Variants in CANX observed in about 807,000 individuals in gnomAD.
CANX encodes the protein epididymis secretory sperm binding protein.
In CANX, 14 loss-of-function variants were observed where a neutral mutation model predicts 75.7. That is an observed-to-expected ratio of 0.19 (90% confidence interval 0.12 to 0.29). The LOEUF is 0.29. CANX is among the 10% of genes least tolerant of loss of function. The pLI, the probability that CANX is intolerant of heterozygous loss-of-function variation, is 1.00. For synonymous variants in CANX, 227 were observed against 236.9 expected (o/e 0.96, Z 0.38); for missense variants, 567 against 713.2 (o/e 0.79, Z 2.34).
intron 14 of CANX, among the ~76,000 whole-genome samples, chr5:179,727,301 A>G (rs1019041978): frequency 6.6e-6 from 1 of 152,224 alleles, no homozygotes; most frequent in African/African-American, 2.4e-5. Context: ...AGTAAACAAC[A>G]CAGCGTATTA....
At chr5:179,678,961 G>A (rs751513335) in intron 1 of CANX, 99 of 1,535,672 alleles carry the variant, frequency 6.4e-5, no homozygotes, top group Non-Finnish European at 8.1e-5. Flanking sequence ...CGTAGGCGAG[G>A]CCCAGCTCGG....
intron 11 of CANX, 90 bp from the exon 12 acceptor site, chr5:179,723,570 C>A: frequency 7.4e-7 from 1 of 1,347,342 alleles, no homozygotes; most frequent in Non-Finnish European, 1.0e-6. Context: ...CTGCGTAGTG[C>A]CATGCCATAA....
chr5:179,694,970 T>G (rs1462379591), upstream of CANX, among the ~76,000 whole-genome samples: 1 of 152,182 alleles, frequency 6.6e-6, no homozygotes, highest in African/African-American at 2.4e-5. Flanking sequence ...TGTTTACTCT[T>G]TTAAACATAC....
intron 8 of CANX, among the ~76,000 whole-genome samples, chr5:179,717,833 A>G (rs1002014059): frequency 6.6e-6 from 1 of 151,076 alleles, no homozygotes; most frequent in Non-Finnish European, 1.5e-5. Flanking sequence ...CTCCCGCCCT[A>G]GCCTCCCAAG....
At chr5:179,726,522 G>A (rs1050258024) in intron 13 of CANX, among the ~76,000 whole-genome samples, 158 bp from the exon 14 acceptor site, 2 of 151,144 alleles carry the variant, frequency 1.3e-5, no homozygotes, top group Admixed American at 6.6e-5. Context: ...TTTGCAGTGA[G>A]CCGAGATCGC....
At chr5:179,695,711 C>T (rs918438820), upstream of CANX, among the ~76,000 whole-genome samples, 1 of 151,310 alleles carries the variant, frequency 6.6e-6, no homozygotes, top group Non-Finnish European at 1.5e-5. Context: ...AGTGCTGTGG[C>T]GCAATCTCCG....
At chr5:179,720,998 G>C (rs1028973939) in intron 10 of CANX, among the ~76,000 whole-genome samples, 7 of 152,056 alleles carry the variant, frequency 4.6e-5, no homozygotes, top group African/African-American at 1.4e-4. Flanking sequence ...TGGCCAGGCT[G>C]GTCTCGAACT....
upstream of CANX, chr5:179,694,766 TAAAC>T (rs376563106): frequency 1.9e-4 from 106 of 563,142 alleles, no homozygotes; most frequent in African/African-American, 1.7e-3. Context: ...GGAGGATGAA[TAAAC>T]AAAGTGTTTA....
At chr5:179,692,013 C>G (rs1449552269) in intron 1 of CANX, among the ~76,000 whole-genome samples, 1 of 151,662 alleles carries the variant, frequency 6.6e-6, no homozygotes, top group Non-Finnish European at 1.5e-5. Flanking sequence ...ATCTCCTGAC[C>G]TCATGATCCA....
At chr5:179,707,085 A>T (rs368684623) in intron 3 of CANX, 47 bp from the exon 4 acceptor site, 1 of 1,141,826 alleles carries the variant, frequency 8.8e-7, no homozygotes, top group Non-Finnish European at 1.3e-6. Context: ...TTTCCCTCAC[A>T]AGTCAACTGT....
At chr5:179,710,707 C>CAAAAAAAAAGAAAAA in intron 7 of CANX, among the ~76,000 whole-genome samples, 1 of 27,376 alleles carries the variant, frequency 3.7e-5, no homozygotes, top group South Asian at 2.0e-3. Context: ...GACTCCATCT[C>CAAAAAAAAAGAAAAA]AAAAAAAAAA....
intron 1 of CANX, among the ~76,000 whole-genome samples, chr5:179,691,948 T>C (rs1432357022): frequency 2.0e-5 from 3 of 149,236 alleles, no homozygotes; most frequent in Non-Finnish European, 4.5e-5. Context: ...CGGCTAATTT[T>C]TTTTGTATTT....
chr5:179,683,096 A>C (rs1282936462), intron 1 of CANX, among the ~76,000 whole-genome samples: 4 of 152,228 alleles, frequency 2.6e-5, no homozygotes, highest in Admixed American at 2.6e-4. Context: ...TAATAGTTTT[A>C]TTGAGGTATA....
At chr5:179,698,906 A>G (rs1213641190), upstream of CANX, 1 of 1,158,048 alleles carries the variant, frequency 8.6e-7, no homozygotes, top group Non-Finnish European at 1.1e-6. Context: ...GGCTGTGGCT[A>G]CTCAGGGGCC....
At chr5:179,725,275 C>A (rs568654977) in intron 13 of CANX, among the ~76,000 whole-genome samples, 1 of 151,772 alleles carries the variant, frequency 6.6e-6, no homozygotes, top group Non-Finnish European at 1.5e-5. Flanking sequence ...GGTGTGATCT[C>A]GGTTCACTGC....
Position 179,730,085 on chromosome 5 carries a change from T to C in CANX, c.*1441T>C, listed in dbSNP as rs1178819405. ...CCTCTCCCACACCACTATAGTGTAA[T>C]AATGTTATTATTACTCTACACTGAA... On this transcript the variant is annotated 3_prime_UTR_variant, in exon 15 of 15. Transcript: ENST00000247461. 6.6e-6 allele frequency: 1 copy of C among 152,614 alleles called. No homozygotes were observed. The highest frequency in any genetic ancestry group is 1.5e-5 in the Non-Finnish European group (1 of 68,034). 9.5% of individuals were successfully genotyped at this position (152,614 alleles called of 1,614,324 possible).
rs563156626 is a variant in CANX at position 179,728,227 on chromosome 5, A to C, written c.1726-364A>C. 2.6e-5 allele frequency among the ~76,000 whole-genome samples: 4 copies of C among 152,342 alleles called. No individual in the cohort carries two copies. The South Asian group carries it at 8.3e-4, about 32-fold the overall frequency. Reference sequence around the variant, plus strand: ...AGTCAGTCTACTTGGATAGCCTTCCATCTTCATGAATCCTTGGTTTCTTAT... The same window carrying C: ...AGTCAGTCTACTTGGATAGCCTTCCCTCTTCATGAATCCTTGGTTTCTTAT... On this transcript the variant is annotated intron_variant, in intron 14 of 14. Coordinates refer to ENST00000247461, the MANE Select transcript of CANX (RefSeq NM_001746.4).
rs1207778979 is a variant in CANX, at chr5:179,719,665, A to G, written c.912-3A>G. 1.3e-6 allele frequency: 2 copies of G among 1,575,096 alleles called. No homozygotes were observed. Among genetic ancestry groups the G allele is most frequent in the East Asian group, 2.2e-5 (1 of 44,680 alleles). On this transcript the variant is annotated splice_polypyrimidine_tract_variant and splice_region_variant and intron_variant, in intron 8 of 14. Transcript: ENST00000247461. ...ATAACTGGCTTTTTCTTTTGTATTT[A>G]AGGGATGAAGATGCCCCTGCTAAGA...
intron 1 of CANX, among the ~76,000 whole-genome samples, chr5:179,703,807 C>T (rs1776934046): frequency 6.6e-6 from 1 of 151,998 alleles, no homozygotes; most frequent in African/African-American, 2.4e-5. Context: ...GAAATTTTTG[C>T]AAACATGGAC....
Sources: gnomAD v4.1 joint callset for allele counts (sites outside exome capture counted in the v4.1 genomes callset) on GRCh38, gnomAD v4.1.1 for gene constraint, MANE v1.5 for transcripts, NCBI Gene and HGNC (gene_info 2026-07-23, HGNC 2026-07-21) for gene names.